TENM2: variants seen among roughly 807,000 people sequenced by gnomAD.
TENM2 encodes the protein teneurin-2.
In TENM2, 52 loss-of-function variants were observed where a neutral mutation model predicts 245.2. The observed-to-expected ratio is 0.21, with a 90% CI of 0.17 to 0.27. TENM2 has a LOEUF of 0.27. Among genes scored for constraint, TENM2 ranks in the 10% least tolerant of loss-of-function variants. The pLI is 1.00. For synonymous variants in TENM2, 1,363 were observed against 1,438.9 expected (o/e 0.95, Z 1.19); for missense variants, 3,046 against 3,666.8 (o/e 0.83, Z 4.37).
chr5:167,850,978 A>G (rs1010708630), intron 2 of TENM2, among the ~76,000 whole-genome samples: 3 of 152,200 alleles, frequency 2.0e-5, no homozygotes, highest in African/African-American at 7.2e-5. Flanking sequence ...ACCTAGTACT[A>G]TCACTCTTAG....
intron 20 of TENM2, among the ~76,000 whole-genome samples, chr5:168,212,831 CG>C (rs1562287317): frequency 6.6e-6 from 1 of 152,256 alleles, no homozygotes; most frequent in Admixed American, 6.5e-5. Context: ...GTCCCTCTGA[CG>C]TGAGTTTCTC....
chr5:167,083,701 G>A, the TENM2 span, among the ~76,000 whole-genome samples: 1 of 152,128 alleles, frequency 6.6e-6, no homozygotes, highest in South Asian at 2.1e-4. Context: ...AGACCATTAG[G>A]GGCTTCAGGA....
At chr5:167,876,996 G>T (rs974091575) in intron 3 of TENM2, among the ~76,000 whole-genome samples, 1 of 152,154 alleles carries the variant, frequency 6.6e-6, no homozygotes, top group Non-Finnish European at 1.5e-5. Context: ...TCTCCTGTTG[G>T]TGTTATGTTC....
rs78727388 is a variant in TENM2, at chr5:168,183,468, G to A, written c.2570-6869G>A. 7.0e-3 allele frequency among the ~76,000 whole-genome samples: 1,065 copies of A among 152,170 alleles called. 21 individuals are homozygous for A. Among genetic ancestry groups the A allele is most frequent in the African/African-American group, 0.025 (1,036 of 41,500 alleles). ...TACCTCAAAACAAACTAACTCCCAAGGCAAAACCAATCCTATGGTTCCCCC... is the reference window on the plus strand; with the variant it reads ...TACCTCAAAACAAACTAACTCCCAAAGCAAAACCAATCCTATGGTTCCCCC... On this transcript the variant is annotated intron_variant, in intron 13 of 28. Coordinates refer to ENST00000518659, the Ensembl canonical transcript of TENM2.
the TENM2 span, among the ~76,000 whole-genome samples, chr5:167,018,493 A>G: frequency 6.6e-6 from 1 of 152,156 alleles, no homozygotes; most frequent in Non-Finnish European, 1.5e-5. Flanking sequence ...AAGGTTCATT[A>G]TGATCACAGC....
intron 2 of TENM2, among the ~76,000 whole-genome samples, chr5:167,398,557 G>T (rs551890133): frequency 6.6e-6 from 1 of 151,436 alleles, no homozygotes; most frequent in African/African-American, 2.4e-5. Context: ...TCAGCCTCCC[G>T]AGCAGCTGAG....
intron 2 of TENM2, among the ~76,000 whole-genome samples, chr5:167,783,951 T>C (rs1470709222): frequency 6.6e-6 from 1 of 152,036 alleles, no homozygotes; most frequent in Non-Finnish European, 1.5e-5. Flanking sequence ...GGAGTATCAG[T>C]CAATGTTTGT....
At chr5:167,318,044 G>T (rs1756476367) in intron 1 of TENM2, among the ~76,000 whole-genome samples, 1 of 152,182 alleles carries the variant, frequency 6.6e-6, no homozygotes, top group Non-Finnish European at 1.5e-5. Flanking sequence ...AATCGGGCAT[G>T]ACACTCTGAA....
chr5:167,061,920 A>C, the TENM2 span, among the ~76,000 whole-genome samples: 1 of 151,530 alleles, frequency 6.6e-6, no homozygotes, highest in African/African-American at 2.4e-5. Flanking sequence ...AGAAGAGTGG[A>C]CAATGGAAGG....
intron 2 of TENM2, among the ~76,000 whole-genome samples, chr5:167,763,854 T>A (rs1163694116): frequency 6.6e-6 from 1 of 152,188 alleles, no homozygotes; most frequent in Non-Finnish European, 1.5e-5. Flanking sequence ...TGAGCATTTT[T>A]TTTTTCCTTT....
intron 7 of TENM2, among the ~76,000 whole-genome samples, chr5:168,070,821 A>AG (rs1562121012): frequency 0.015 from 1,515 of 100,408 alleles, 22 homozygotes; most frequent in Middle Eastern, 0.037. Context: ...GAGAGAGAGA[A>AG]AAAAAGAAAG....
the TENM2 span, among the ~76,000 whole-genome samples, chr5:167,178,696 C>T: frequency 6.6e-6 from 1 of 151,826 alleles, no homozygotes; most frequent in African/African-American, 2.4e-5. Flanking sequence ...TGGATAAAAG[C>T]GTGTTTTGTA....
chr5:167,063,028 T>G, the TENM2 span, among the ~76,000 whole-genome samples: 1 of 152,318 alleles, frequency 6.6e-6, no homozygotes, highest in Non-Finnish European at 1.5e-5. Flanking sequence ...TTGATGTAGG[T>G]CAACTGGTTT....
chr5:167,531,783 G>T (rs1406724333), intron 2 of TENM2, among the ~76,000 whole-genome samples: 1 of 152,134 alleles, frequency 6.6e-6, no homozygotes, highest in African/African-American at 2.4e-5. Flanking sequence ...ATTCAAAGCT[G>T]TTGGGGTTTT....
intron 2 of TENM2, among the ~76,000 whole-genome samples, chr5:167,466,581 T>C (rs945662587): frequency 2.0e-5 from 3 of 152,220 alleles, no homozygotes; most frequent in Non-Finnish European, 4.4e-5. Context: ...ATTTTATTGA[T>C]AACTAAACAT....
At chr5:167,264,105 C>CAA in the TENM2 span, among the ~76,000 whole-genome samples, 7 of 106,988 alleles carry the variant, frequency 6.5e-5, no homozygotes, top group Non-Finnish European at 8.2e-5. Context: ...AACTCTGTCT[C>CAA]AAAAAAAAAA....
At chr5:168,055,383 G>A (rs560091444) in intron 6 of TENM2, among the ~76,000 whole-genome samples, 29 of 152,260 alleles carry the variant, frequency 1.9e-4, no homozygotes, top group African/African-American at 5.1e-4. Context: ...TTTCAATAAC[G>A]CAGACTGCAC....
intron 2 of TENM2, among the ~76,000 whole-genome samples, chr5:167,637,801 C>T (rs936644818): frequency 2.6e-5 from 4 of 151,806 alleles, no homozygotes; most frequent in African/African-American, 7.3e-5. Context: ...CATCACACAC[C>T]GGGGCCTATT....
intron 2 of TENM2, among the ~76,000 whole-genome samples, chr5:167,589,216 T>A (rs1304478256): frequency 7.6e-6 from 1 of 132,244 alleles, no homozygotes; most frequent in African/African-American, 2.8e-5. Flanking sequence ...AAAAAAAAAA[T>A]TAATGATACT....
Sources: gnomAD v4.1 joint callset for allele counts (sites outside exome capture counted in the v4.1 genomes callset) on GRCh38, gnomAD v4.1.1 for gene constraint, MANE v1.5 for transcripts, NCBI Gene and HGNC (gene_info 2026-07-23, HGNC 2026-07-21) for gene names.